FUT8: variants seen among roughly 807,000 people sequenced by gnomAD.
FUT8 encodes the protein fucosyltransferase 8.
A neutral mutation model predicts 71.3 loss-of-function variants in FUT8; 29 were observed. The observed-to-expected ratio is 0.41, with a 90% CI of 0.30 to 0.55. FUT8 has a LOEUF of 0.55. FUT8 is among the 20% of genes least tolerant of loss of function. The probability of loss-of-function intolerance (pLI) is 0.34; values close to 1 mark genes in which losing one functional copy is unlikely to be tolerated. For missense variants in FUT8, 544 were observed against 702.1 expected, an observed-to-expected ratio of 0.77 and a Z score of 2.55; for synonymous variants, 254 against 239.3, an observed-to-expected ratio of 1.06 and a Z score of -0.57.
intron 2 of FUT8, among the ~76,000 whole-genome samples, chr14:65,497,833 C>T (rs2066583038): frequency 6.6e-6 from 1 of 151,752 alleles, no homozygotes; most frequent in African/African-American, 2.4e-5. Context: ...TAAAATATGT[C>T]ATATTTTACT....
chr14:65,416,323 T>C (rs1257285485), intron 1 of FUT8, among the ~76,000 whole-genome samples: 1 of 152,112 alleles, frequency 6.6e-6, no homozygotes, highest in Non-Finnish European at 1.5e-5. Flanking sequence ...ACCTTTTTTT[T>C]TTTTTCCCCC....
At chr14:65,543,601 C>T (rs2149841) in intron 2 of FUT8, among the ~76,000 whole-genome samples, 53,568 of 151,768 alleles carry the variant, frequency 0.35, 11,766 homozygotes, top group Non-Finnish European at 0.49. Context: ...GTCATTCTTT[C>T]GTTCTTTCTT....
chr14:65,701,364 AGAG>A (rs755974131), intron 7 of FUT8, among the ~76,000 whole-genome samples: 10 of 152,240 alleles, frequency 6.6e-5, no homozygotes, highest in Non-Finnish European at 2.9e-5. Context: ...GATAATAGGA[AGAG>A]GAGTTTACAA....
At chr14:65,518,764 C>CCTGCTT (rs1164013808) in intron 2 of FUT8, among the ~76,000 whole-genome samples, 1 of 152,130 alleles carries the variant, frequency 6.6e-6, no homozygotes, top group African/African-American at 2.4e-5. Context: ...AAGTGATTCA[C>CCTGCTT]CTGCTTTGGC....
At chr14:65,567,202 G>T (rs1325879451) in intron 3 of FUT8, among the ~76,000 whole-genome samples, 1 of 151,948 alleles carries the variant, frequency 6.6e-6, no homozygotes, top group Non-Finnish European at 1.5e-5. Context: ...TCTAGGAAAG[G>T]AGAAGAGATT....
At chr14:65,575,027 A>G (rs1255247919) in intron 3 of FUT8, among the ~76,000 whole-genome samples, 2 of 152,036 alleles carry the variant, frequency 1.3e-5, no homozygotes, top group Non-Finnish European at 2.9e-5. Context: ...AATGTTTTCT[A>G]ATTCGTATAA....
At chr14:65,406,243 G>T (rs2139327123), upstream of FUT8, among the ~76,000 whole-genome samples, 1 of 152,330 alleles carries the variant, frequency 6.6e-6, no homozygotes, top group African/African-American at 2.4e-5. Context: ...CTTTTTGTAT[G>T]TTGAGTCATT....
intron 3 of FUT8, among the ~76,000 whole-genome samples, chr14:65,576,012 A>T (rs1352246729): frequency 6.6e-6 from 1 of 152,220 alleles, no homozygotes; most frequent in African/African-American, 2.4e-5. Flanking sequence ...TATAGCTTTT[A>T]TATAAATAAT....
At chr14:65,468,255 A>C (rs1360104029) in intron 2 of FUT8, 1 of 624,016 alleles carries the variant, frequency 1.6e-6, no homozygotes, top group Non-Finnish European at 3.0e-6. Context: ...AGATTCGCAT[A>C]CATGTGGCCA....
rs1360533182 is a variant in FUT8, at chr14:65,611,295, A to C, written c.204-4683A>C. Among the ~76,000 whole-genome samples the C allele has an allele frequency of 3.8e-4, 18 of 47,348 alleles. 1 individual carries two copies. Among genetic ancestry groups the C allele is most frequent in the African/African-American group, 1.1e-3 (10 of 8,936 alleles). 31.1% of individuals were successfully genotyped at this position (47,348 alleles called of 152,430 possible). The stretch of plus-strand genomic sequence containing the variant: ...CACACACACACACACACACACACAC[A>C]CACACACCCCCCAAGTAATAGCCTT... On this transcript the variant is annotated intron_variant, in intron 3 of 10. Transcript: ENST00000673929.
chr14:65,600,599 A>T (rs1000126093), intron 3 of FUT8, among the ~76,000 whole-genome samples: 1 of 152,200 alleles, frequency 6.6e-6, no homozygotes, highest in Non-Finnish European at 1.5e-5. Context: ...GTTAAAATAT[A>T]TAAAACATTT....
At chr14:65,425,581 G>A (rs1450372271) in intron 1 of FUT8, among the ~76,000 whole-genome samples, 1 of 150,588 alleles carries the variant, frequency 6.6e-6, no homozygotes, top group African/African-American at 2.4e-5. Flanking sequence ...TTGATGTTTT[G>A]GTATATGTGT....
intron 7 of FUT8, among the ~76,000 whole-genome samples, chr14:65,677,162 A>ACGCGCGCGCACG (rs1555383298): frequency 3.7e-5 from 1 of 27,204 alleles, no homozygotes; most frequent in Non-Finnish European, 9.4e-5. Flanking sequence ...GCGCGCGCGC[A>ACGCGCGCGCACG]TGCGCGCGCA....
At chr14:65,509,840 T>G (rs1473671628) in intron 2 of FUT8, among the ~76,000 whole-genome samples, 1 of 152,126 alleles carries the variant, frequency 6.6e-6, no homozygotes, top group Non-Finnish European at 1.5e-5. Flanking sequence ...TTTGGTGGAT[T>G]TTTTATGTTT....
rs883081 is a variant in FUT8 at position 65,413,903 on chromosome 14, C to A, written c.-326+689C>A. On this transcript the variant is annotated intron_variant, in intron 1 of 10. Coordinates refer to ENST00000673929, the MANE Select transcript of FUT8 (RefSeq NM_001371533.1). The surrounding 1 kb of genome is among the most constrained non-coding windows in gnomAD (Gnocchi z 4.1). The stretch of plus-strand genomic sequence containing the variant: ...TTGTCGGGTGCAGCACCTGTTCTTT[C>A]TTCACAGTGGGGATTGCAATCTTCA... Among the ~76,000 whole-genome samples the A allele has an allele frequency of 0.35, 53,748 of 152,084 alleles. 11,786 individuals are homozygous for A. Among genetic ancestry groups the A allele is most frequent in the Non-Finnish European group, 0.49 (33,493 of 67,968 alleles).
chr14:65,381,464 GTCCTT>G, the FUT8 span, among the ~76,000 whole-genome samples: 1 of 152,152 alleles, frequency 6.6e-6, no homozygotes, highest in African/African-American at 2.4e-5. Context: ...GACAACATTT[GTCCTT>G]GAAAAGCACA....
intron 1 of FUT8, among the ~76,000 whole-genome samples, chr14:65,432,558 A>T (rs898325471): frequency 6.6e-5 from 10 of 152,116 alleles, no homozygotes; most frequent in African/African-American, 2.2e-4. Context: ...TGAGGCTAAA[A>T]CCTACTGGGC....
At chr14:65,557,684 A>G (rs1885668270) in intron 2 of FUT8, among the ~76,000 whole-genome samples, 1 of 151,932 alleles carries the variant, frequency 6.6e-6, no homozygotes, top group African/African-American at 2.4e-5. Context: ...ATAAATTTGC[A>G]GAAAGAATCC....
At chr14:65,611,643 CTA>C (rs1446786245) in intron 3 of FUT8, among the ~76,000 whole-genome samples, 1 of 151,762 alleles carries the variant, frequency 6.6e-6, no homozygotes, top group Non-Finnish European at 1.5e-5. Flanking sequence ...ACTTGGGTAT[CTA>C]TTAAAATTTT....
Sources: allele counts gnomAD v4.1 joint callset (sites outside exome capture counted in the v4.1 genomes callset), GRCh38; gene constraint gnomAD v4.1.1; non-coding constraint Gnocchi (gnomAD v3.1); transcripts MANE v1.5; gene names NCBI Gene and HGNC (gene_info 2026-07-23, HGNC 2026-07-21).